The following AQR variants were observed in gnomAD, a reference collection of about 807,000 sequenced individuals.
AQR encodes the protein aquarius intron-binding spliceosomal factor, also known as RNA helicase aquarius.
In AQR, 61 loss-of-function variants were observed where a neutral mutation model predicts 180.5. That is an observed-to-expected ratio of 0.34 (90% CI 0.28 to 0.42). The LOEUF is 0.42. Ranked by LOEUF, AQR falls within the 10% of genes least tolerant of loss-of-function variation. The pLI is 1.00. For missense variants in AQR, 1,281 were observed against 1,798.3 expected (o/e 0.71, Z 5.20); for synonymous variants, 551 against 588.8 (o/e 0.94, Z 0.93).
At chr15:34,946,540 G>C (rs1894121748) in intron 5 of AQR, among the ~76,000 whole-genome samples, 1 of 142,152 alleles carries the variant, frequency 7.0e-6, no homozygotes. Flanking sequence ...GAGGGGGTCA[G>C]CCCCCCGCCT....
intron 1 of AQR, among the ~76,000 whole-genome samples, chr15:34,967,765 G>A (rs1385412521): frequency 6.6e-6 from 1 of 152,124 alleles, no homozygotes; most frequent in Non-Finnish European, 1.5e-5. Flanking sequence ...CACTATGAAG[G>A]ATTTCAGCCG....
chr15:34,910,567 G>A (rs2123048), intron 16 of AQR, among the ~76,000 whole-genome samples: 110,707 of 152,010 alleles, frequency 0.73, 41,861 homozygotes, highest in Middle Eastern at 0.84. Flanking sequence ...AGAAGTAGAG[G>A]AATATCTCCT....
At chr15:34,934,495 C>T (rs941127681) in intron 10 of AQR, 76 bp downstream of exon 10, 3 of 949,980 alleles carry the variant, frequency 3.2e-6, no homozygotes, top group African/African-American at 3.5e-5. Context: ...GAAAAAAATA[C>T]TTCATATATG....
intron 33 of AQR, among the ~76,000 whole-genome samples, chr15:34,862,520 T>C (rs1595779376): frequency 1.3e-5 from 2 of 152,172 alleles, no homozygotes; most frequent in African/African-American, 4.8e-5. Context: ...GCCTAATACA[T>C]GGTAGCCACT....
chr15:34,925,428 T>C (rs974164450), intron 13 of AQR, among the ~76,000 whole-genome samples: 1 of 152,262 alleles, frequency 6.6e-6, no homozygotes, highest in East Asian at 1.9e-4. Context: ...TTTAGCAATA[T>C]GTAACAAGTT....
At chr15:34,965,501 T>A (rs1001923946) in intron 1 of AQR, among the ~76,000 whole-genome samples, 10 of 152,058 alleles carry the variant, frequency 6.6e-5, no homozygotes, top group Non-Finnish European at 1.2e-4. Context: ...TGAAACCCCA[T>A]CTCTACCAAA....
chr15:34,878,385 CA>C (rs5811839), intron 27 of AQR, among the ~76,000 whole-genome samples: 1,880 of 41,726 alleles, frequency 0.045, 10 homozygotes, highest in African/African-American at 0.15. Flanking sequence ...GACTCTGTCT[CA>C]AAAAAAAAAA....
At chr15:34,962,337 T>C (rs959586566) in intron 2 of AQR, among the ~76,000 whole-genome samples, 2 of 152,130 alleles carry the variant, frequency 1.3e-5, no homozygotes, top group African/African-American at 4.8e-5. Context: ...TATCTTTTAA[T>C]TGCTCCAAGT....
chr15:34,884,751 T>A lies in AQR; in HGVS notation c.2818-17A>T. 6.4e-7 allele frequency: 1 copy of A among 1,573,118 alleles called. No individual in the cohort carries two copies. Among genetic ancestry groups the A allele is most frequent in the Non-Finnish European group, 8.6e-7 (1 of 1,158,332 alleles). On this transcript the variant is annotated splice_polypyrimidine_tract_variant and intron_variant, in intron 25 of 34. Transcript: ENST00000156471. Reference sequence around the variant, plus strand: ...AGACATTACCTGTAGAAAAAAGGACTTGAAGTTAACTGCCAGCTAATTATG... The same window carrying A: ...AGACATTACCTGTAGAAAAAAGGACATGAAGTTAACTGCCAGCTAATTATG...
intron 3 of AQR, among the ~76,000 whole-genome samples, chr15:34,958,344 T>C (rs1224786271): frequency 2.0e-5 from 3 of 151,904 alleles, no homozygotes; most frequent in East Asian, 1.9e-4. Flanking sequence ...GAAACCCTGT[T>C]TCTACCAAAA....
At chr15:34,913,022 T>A (rs1472864222) in intron 16 of AQR, among the ~76,000 whole-genome samples, 1 of 152,234 alleles carries the variant, frequency 6.6e-6, no homozygotes, top group Non-Finnish European at 1.5e-5. Flanking sequence ...ACCTCCTCCA[T>A]TTTTTACAGC....
intron 11 of AQR, among the ~76,000 whole-genome samples, chr15:34,931,126 G>A (rs762308938): frequency 7.2e-5 from 11 of 152,106 alleles, no homozygotes; most frequent in African/African-American, 2.2e-4. Context: ...GTGAGCCACC[G>A]CGCCCGGCTG....
At chr15:34,880,880 A>G (rs3848167) in intron 27 of AQR, among the ~76,000 whole-genome samples, 116,678 of 152,084 alleles carry the variant, frequency 0.77, 45,397 homozygotes, top group Middle Eastern at 0.87. Flanking sequence ...ACGGATGAGC[A>G]GAGTGGGGGA....
At chr15:34,864,922 G>T (rs1892720852) in intron 32 of AQR, among the ~76,000 whole-genome samples, 1 of 152,092 alleles carries the variant, frequency 6.6e-6, no homozygotes, top group Non-Finnish European at 1.5e-5. Context: ...GTCCACAAGG[G>T]CAGAGATCAT....
chr15:34,862,026 T>C lies in AQR; in HGVS notation c.4029+841A>G, dbSNP rs189959775. 4.9e-4 allele frequency among the ~76,000 whole-genome samples: 75 copies of C among 151,972 alleles called. No homozygotes were observed. In the South Asian group the frequency reaches 1.0e-2, roughly 20 times the overall value. ...AGGAAAATAATATAAAAGTAACATA[T>C]CTCTTCTCCTTTATACAAAAGGAAT... On this transcript the variant is annotated intron_variant, in intron 33 of 34. Transcript: ENST00000156471.
rs112801519 is a variant in AQR at position 34,896,852 on chromosome 15, A to AAAACAAAC, written c.2460+37_2460+44dup. ...CAACAAAAGTGAAACTCCATCTCAG[A>AAAACAAAC]AAACAAACAAACAAACAAACAAACA... On this transcript the variant is annotated intron_variant, in intron 22 of 34. Transcript: ENST00000156471. 54 of 1,538,894 alleles carry AAAACAAAC rather than the reference A, an allele frequency of 3.5e-5. No homozygotes were observed. The African/African-American group carries it at 3.6e-4, about 10-fold the overall frequency.
chr15:34,854,694 T>G lies in AQR; in HGVS notation c.*2098A>C, dbSNP rs1242558639. The G allele has an allele frequency of 6.6e-6, 1 of 152,140 alleles. No individual in the cohort carries two copies. The highest frequency in any genetic ancestry group is 1.5e-5 in the Non-Finnish European group (1 of 68,024). The allele number at this position is 152,140 out of a possible 1,614,324, so 9.4% of individuals were successfully genotyped here. A position where few individuals can be genotyped will look rare whatever the true frequency, so the allele number is the denominator to read the frequency against. ...GGACAAAGGACTTACCCATCCATCT[T>G]CCACCTAAATTTGCTTTTTAGTGAT... On this transcript the variant is annotated 3_prime_UTR_variant, in exon 35 of 35. Coordinates refer to ENST00000156471, the MANE Select transcript of AQR (RefSeq NM_014691.3).
At chr15:34,929,352 G>C (rs1378566392) in intron 12 of AQR, among the ~76,000 whole-genome samples, 3 of 152,042 alleles carry the variant, frequency 2.0e-5, no homozygotes, top group Non-Finnish European at 4.4e-5. Flanking sequence ...AATCCACCTT[G>C]AGTTAATTTT....
chr15:34,897,440 T>C, intron 21 of AQR, 119 bp downstream of exon 21: 2 of 1,176,548 alleles, frequency 1.7e-6, no homozygotes, highest in Non-Finnish European at 2.4e-6. Flanking sequence ...AGAAAGAGGG[T>C]TCAGAAACAG....
Sources: gnomAD v4.1 joint callset for allele counts (sites outside exome capture counted in the v4.1 genomes callset) on GRCh38, gnomAD v4.1.1 for gene constraint, MANE v1.5 for transcripts, NCBI Gene and HGNC (gene_info 2026-07-23, HGNC 2026-07-21) for gene names.